Variants in ST7 observed in about 807,000 individuals in gnomAD.
ST7 encodes suppressor of tumorigenicity 7 protein.
In ST7, 28 loss-of-function variants were observed where a neutral mutation model predicts 78.7. The ratio of observed to expected loss-of-function variants is 0.36; its 90% CI spans 0.26 to 0.49. ST7 has a LOEUF of 0.49. Ranked by LOEUF, ST7 falls within the 20% of genes least tolerant of loss-of-function variation. ST7 has a pLI of 0.99. For missense variants in ST7, 418 were observed against 696.0 expected, an observed-to-expected ratio of 0.60 and a Z score of 4.49; for synonymous variants, 247 against 249.6, an observed-to-expected ratio of 0.99 and a Z score of 0.10.
chr7:116,959,388 T>C (rs577582897), intron 1 of ST7: 4 of 355,100 alleles, frequency 1.1e-5, no homozygotes, highest in African/African-American at 6.5e-5. Flanking sequence ...AGTGTTTGTG[T>C]ATATATGCAT....
At chr7:116,989,975 C>G (rs967305630) in intron 1 of ST7, among the ~76,000 whole-genome samples, 4 of 152,146 alleles carry the variant, frequency 2.6e-5, no homozygotes, top group Non-Finnish European at 5.9e-5. Flanking sequence ...GAGTCTCGCT[C>G]TGTTGCCCAG....
intron 10 of ST7, among the ~76,000 whole-genome samples, chr7:117,171,222 C>T (rs1405666183): frequency 1.3e-5 from 2 of 152,144 alleles, no homozygotes; most frequent in Non-Finnish European, 2.9e-5. Context: ...CCCTCATGCT[C>T]TCCCCATCAG....
intron 10 of ST7, chr7:117,184,001 GAGTACAAAAATGA>G (rs1199846907): frequency 8.6e-6 from 1 of 116,622 alleles, no homozygotes; most frequent in Non-Finnish European, 2.1e-5. Context: ...AGACAAAAAT[GAGTACAAAAATGA>G]GTCTGATTCC....
At chr7:117,144,685 G>T (rs963859523) in intron 9 of ST7, among the ~76,000 whole-genome samples, 1 of 151,266 alleles carries the variant, frequency 6.6e-6, no homozygotes, top group Non-Finnish European at 1.5e-5. Flanking sequence ...ATACCTCCAG[G>T]GGTTCCCTGA....
At chr7:117,223,149 C>T (rs1178416020) in intron 15 of ST7, 4 of 607,484 alleles carry the variant, frequency 6.6e-6, no homozygotes, top group African/African-American at 1.8e-5. Context: ...TCAGTTCTAA[C>T]CTCCTAAGCA....
intron 9 of ST7, among the ~76,000 whole-genome samples, chr7:117,163,007 G>A (rs1490457697): frequency 6.6e-6 from 1 of 152,108 alleles, no homozygotes; most frequent in East Asian, 1.9e-4. Context: ...CTTCTCCATA[G>A]GAATGAGAAC....
chr7:117,188,618 TGAAAG>T (rs1431703396), intron 10 of ST7, among the ~76,000 whole-genome samples: 1 of 152,184 alleles, frequency 6.6e-6, no homozygotes, highest in Non-Finnish European at 1.5e-5. Context: ...TTTGTAAAAT[TGAAAG>T]GAACTGTTTT....
intron 1 of ST7, among the ~76,000 whole-genome samples, chr7:117,063,606 G>A (rs2116458303): frequency 6.6e-6 from 1 of 152,252 alleles, no homozygotes; most frequent in African/African-American, 2.4e-5. Context: ...CTACCTGAGA[G>A]GCTGAAGTGG....
chr7:116,965,481 C>T (rs28428685), intron 1 of ST7, among the ~76,000 whole-genome samples: 7 of 152,058 alleles, frequency 4.6e-5, no homozygotes, highest in Non-Finnish European at 7.4e-5. Flanking sequence ...CTAGATAACA[C>T]GTTGATGGGT....
chr7:117,040,357 A>T (rs1423042950), intron 1 of ST7, among the ~76,000 whole-genome samples: 1 of 152,098 alleles, frequency 6.6e-6, no homozygotes, highest in African/African-American at 2.4e-5. Context: ...TGAGTGAAAG[A>T]GCGAAATTCT....
At chr7:117,012,713 G>A (rs1400081528) in intron 1 of ST7, among the ~76,000 whole-genome samples, 1 of 151,964 alleles carries the variant, frequency 6.6e-6, no homozygotes, top group Admixed American at 6.6e-5. Context: ...AATCTATCTA[G>A]TATGTAAGTA....
Position 117,189,391 on chromosome 7 carries a change from C to G in ST7, c.1149C>G (p.Asp383Glu). Residue 383 changes from aspartate to glutamate, a missense_variant and splice_region_variant, in exon 11 of 16, where the codon GAC becomes GAG. Around this residue, in one of 4 missense-constraint regions of ST7, gnomAD observed 288 missense variants for 537.1 expected, o/e 0.54. Coordinates refer to ENST00000323984, the MANE Select transcript of ST7 (RefSeq NM_001369598.1). ...TGCTCAAAGCAAGAGCTGTCTCTGA[C>G]AAGTAAGTGAATAATAGTTTGCGCG... ...AALLKARAVS[D>E]KFSPEAASRR... 6.2e-7 allele frequency: 1 copy of G among 1,601,126 alleles called. No individual in the cohort carries two copies. The highest frequency in any genetic ancestry group is 8.5e-7 in the Non-Finnish European group (1 of 1,172,934).
chr7:117,138,334 A>T, intron 8 of ST7, 101 bp from the exon 9 acceptor site: 1 of 627,860 alleles, frequency 1.6e-6, no homozygotes, highest in Non-Finnish European at 2.7e-6. Context: ...TACTATTAAC[A>T]AAGTTGTCAG....
intron 1 of ST7, among the ~76,000 whole-genome samples, chr7:116,997,777 C>T (rs558611017): frequency 1.1e-3 from 160 of 152,318 alleles, no homozygotes; most frequent in Admixed American, 1.7e-3. Context: ...AAAGGTGCTC[C>T]AAGTCCCCAC....
chr7:116,994,005 T>C (rs908193831), intron 1 of ST7, among the ~76,000 whole-genome samples: 1 of 152,248 alleles, frequency 6.6e-6, no homozygotes, highest in African/African-American at 2.4e-5. Context: ...TATGCTAAAA[T>C]ATATCATATC....
chr7:117,176,670 G>A (rs1388124581), intron 10 of ST7, among the ~76,000 whole-genome samples: 1 of 152,150 alleles, frequency 6.6e-6, no homozygotes, highest in African/African-American at 2.4e-5. Context: ...TTCCATTTAT[G>A]TTTGAGGAAT....
At chr7:117,094,843 G>A (rs1284732487) in intron 1 of ST7, among the ~76,000 whole-genome samples, 4 of 151,902 alleles carry the variant, frequency 2.6e-5, no homozygotes, top group Non-Finnish European at 4.4e-5. Flanking sequence ...AAATAACTTA[G>A]TTTCTCTAAA....
At position 117,226,061 on chromosome 7, in the gene ST7, G is replaced by A. The variant is rs887313685; in HGVS notation, c.1639-3701G>A. Reference sequence around the variant, plus strand: ...CTTGTCTCTCTCCTTCTCCGAGACTGAGCCTCTTGATTTCTGACTCTCATG... The same window carrying A: ...CTTGTCTCTCTCCTTCTCCGAGACTAAGCCTCTTGATTTCTGACTCTCATG... On this transcript the variant is annotated intron_variant, in intron 15 of 15. Transcript: ENST00000323984. Among the ~76,000 whole-genome samples the A allele has an allele frequency of 2.6e-5, 4 of 152,108 alleles. No individual in the cohort carries two copies. In the East Asian group the frequency reaches 7.7e-4, roughly 29 times the overall value.
At chr7:116,989,287 C>T (rs1794321660) in intron 1 of ST7, among the ~76,000 whole-genome samples, 1 of 152,154 alleles carries the variant, frequency 6.6e-6, no homozygotes. Flanking sequence ...ATATGTAGCT[C>T]GTGCTACCCT....
Sources: allele counts gnomAD v4.1 joint callset (sites outside exome capture counted in the v4.1 genomes callset), GRCh38; gene constraint gnomAD v4.1.1; regional missense constraint gnomAD v4.1.1; transcripts MANE v1.5; gene names NCBI Gene and HGNC (gene_info 2026-07-23, HGNC 2026-07-21).